The following MBD5 variants were observed in gnomAD, a reference collection of about 807,000 sequenced individuals.
The protein encoded by MBD5 is methyl-CpG binding domain protein 5.
In MBD5, 13 loss-of-function variants were observed where a neutral mutation model predicts 117.3. The observed-to-expected ratio is 0.11, with a 90% CI of 0.07 to 0.18. The LOEUF is 0.18. MBD5 is among the 10% of genes least tolerant of loss of function. MBD5 has a pLI of 1.00. For synonymous variants in MBD5, 727 were observed against 766.4 expected (o/e 0.95, Z 0.85); for missense variants, 1,879 against 2,093.8 (o/e 0.90, Z 2.00).
intron 1 of MBD5, among the ~76,000 whole-genome samples, chr2:148,074,495 G>GTTTTTTTTTTTTTTTT (rs1034437368): frequency 4.6e-5 from 5 of 109,822 alleles, no homozygotes; most frequent in South Asian, 3.1e-4. Context: ...TTTTTTTTTT[G>GTTTTTTTTTTTTTTTT]TTTTTTTTTT....
At chr2:148,227,459 T>C (rs187228834) in intron 2 of MBD5, among the ~76,000 whole-genome samples, 1 of 152,196 alleles carries the variant, frequency 6.6e-6, no homozygotes, top group Non-Finnish European at 1.5e-5. Flanking sequence ...CTCTGTTCTG[T>C]TCCATTGGTC....
At chr2:148,375,018 A>G (rs1402105629) in intron 4 of MBD5, among the ~76,000 whole-genome samples, 1 of 152,162 alleles carries the variant, frequency 6.6e-6, no homozygotes, top group Non-Finnish European at 1.5e-5. Context: ...GTGTGTATAA[A>G]TATTATGCTA....
chr2:148,491,661 A>G (rs995013567), intron 11 of MBD5, among the ~76,000 whole-genome samples: 1 of 151,996 alleles, frequency 6.6e-6, no homozygotes, highest in Admixed American at 6.6e-5. Flanking sequence ...ATAATGCCTA[A>G]TATATACTTG....
chr2:148,103,018 A>G (rs1208039954), intron 1 of MBD5, among the ~76,000 whole-genome samples: 1 of 152,194 alleles, frequency 6.6e-6, no homozygotes, highest in Admixed American at 6.5e-5. Context: ...AGATAGATGA[A>G]AAAATTTAAT....
chr2:148,443,670 T>G lies in MBD5; in HGVS notation c.-556-14533T>G, dbSNP rs148435238. On this transcript the variant is annotated intron_variant, in intron 4 of 13. Transcript: ENST00000642680. ...CAAACTTCACATGTTCTCACTTATT[T>G]GTGGGAGCTAAAAACTAAAATAATT... 8.7e-3 allele frequency among the ~76,000 whole-genome samples: 1,317 copies of G among 151,318 alleles called. 84 individuals are homozygous for G. Among genetic ancestry groups the G allele is most frequent in the African/African-American group, 0.031 (1,268 of 40,722 alleles).
At chr2:148,147,622 T>C (rs1697501920) in intron 1 of MBD5, among the ~76,000 whole-genome samples, 1 of 152,116 alleles carries the variant, frequency 6.6e-6, no homozygotes, top group Non-Finnish European at 1.5e-5. Flanking sequence ...TGTTATTTGG[T>C]TTTGTTGTTG....
intron 4 of MBD5, among the ~76,000 whole-genome samples, chr2:148,370,808 G>T (rs1202771486): frequency 6.6e-6 from 1 of 152,148 alleles, no homozygotes. Context: ...TTTTTTTAAA[G>T]ATATTTACCA....
In MBD5 at chr2:148,087,270, T is replaced by C. The variant is rs577167856; in HGVS notation, c.-925+65586T>C. ...ACCTTCTGGCTGGAGGCCAACCAACTCAGGACATTATAGCAACTCATGAAC... is the reference window on the plus strand; with the variant it reads ...ACCTTCTGGCTGGAGGCCAACCAACCCAGGACATTATAGCAACTCATGAAC... On this transcript the variant is annotated intron_variant, in intron 1 of 13. Transcript: ENST00000642680. 2.6e-5 allele frequency among the ~76,000 whole-genome samples: 4 copies of C among 152,240 alleles called. No homozygotes were observed. The East Asian group carries it at 7.8e-4, about 30-fold the overall frequency.
At chr2:148,308,012 A>C (rs2106512112) in intron 3 of MBD5, among the ~76,000 whole-genome samples, 1 of 152,270 alleles carries the variant, frequency 6.6e-6, no homozygotes, top group Middle Eastern at 3.4e-3. Context: ...TGGTGTATAT[A>C]TGCCACAATT....
rs115287363 is a variant in MBD5 at position 148,370,329 on chromosome 2, G to A, written c.-557+27993G>A. On this transcript the variant is annotated intron_variant, in intron 4 of 13. Coordinates refer to ENST00000642680, the MANE Select transcript of MBD5 (RefSeq NM_001378120.1). ...CTTTAATATAAATTCTGCCTTCATT[G>A]TACTGATGAGCTATCTGGTCTGTAT... is the stretch of plus-strand genomic sequence containing the variant. Among the ~76,000 whole-genome samples, 1,372 of 152,000 alleles carry A rather than the reference G, an allele frequency of 9.0e-3. 22 individuals carry two copies. The highest frequency in any genetic ancestry group is 0.032 in the African/African-American group (1,316 of 41,476).
chr2:148,369,602 C>A (rs1184126014), intron 4 of MBD5, among the ~76,000 whole-genome samples: 1 of 152,100 alleles, frequency 6.6e-6, no homozygotes, highest in African/African-American at 2.4e-5. Context: ...GTCCCTCAGC[C>A]TATTCTTGCA....
intron 4 of MBD5, among the ~76,000 whole-genome samples, chr2:148,377,502 C>A (rs1704023982): frequency 6.6e-6 from 1 of 152,194 alleles, no homozygotes; most frequent in Admixed American, 6.5e-5. Context: ...CAGTAAGGGA[C>A]TCCTATGTCT....
intron 2 of MBD5, among the ~76,000 whole-genome samples, chr2:148,226,428 C>A (rs1179698460): frequency 6.6e-6 from 1 of 152,152 alleles, no homozygotes; most frequent in Non-Finnish European, 1.5e-5. Context: ...CATGTCCCTA[C>A]AAAGGACATA....
intron 2 of MBD5, among the ~76,000 whole-genome samples, chr2:148,188,186 TG>T (rs1276441950): frequency 6.6e-6 from 1 of 152,140 alleles, no homozygotes; most frequent in Non-Finnish European, 1.5e-5. Context: ...TTCCAAAATT[TG>T]AAAAAATTCA....
chr2:148,219,957 G>A (rs1437972024), intron 2 of MBD5: 2 of 152,006 alleles, frequency 1.3e-5, no homozygotes, highest in African/African-American at 2.4e-5. Flanking sequence ...ATAATGAATC[G>A]AGCCAAAATG....
chr2:148,360,089 G>T (rs973722435), intron 4 of MBD5, among the ~76,000 whole-genome samples: 1 of 151,902 alleles, frequency 6.6e-6, no homozygotes, highest in African/African-American at 2.4e-5. Context: ...TCAAATATCT[G>T]TAACTGTATA....
At chr2:148,317,727 A>C (rs1702187311) in intron 3 of MBD5, among the ~76,000 whole-genome samples, 1 of 151,694 alleles carries the variant, frequency 6.6e-6, no homozygotes, top group African/African-American at 2.4e-5. Flanking sequence ...TCTCTGTCTG[A>C]GTTATTTCAC....
intron 1 of MBD5, among the ~76,000 whole-genome samples, chr2:148,099,061 T>C (rs543918926): frequency 1.3e-5 from 2 of 151,854 alleles, no homozygotes; most frequent in Admixed American, 1.3e-4. Context: ...TCTCAAAAAG[T>C]AAAAATAATA....
chr2:148,128,603 T>C (rs1482556874), intron 1 of MBD5, among the ~76,000 whole-genome samples: 1 of 152,208 alleles, frequency 6.6e-6, no homozygotes, highest in Non-Finnish European at 1.5e-5. Context: ...TATATACACA[T>C]ATATGCATGT....
Sources: allele counts gnomAD v4.1 joint callset (sites outside exome capture counted in the v4.1 genomes callset), GRCh38; gene constraint gnomAD v4.1.1; transcripts MANE v1.5; gene names NCBI Gene and HGNC (gene_info 2026-07-23, HGNC 2026-07-21).